ATF7IP: variants seen among roughly 807,000 people sequenced by gnomAD.
The protein encoded by ATF7IP is activating transcription factor 7-interacting protein 1.
In ATF7IP, 23 loss-of-function variants were observed where a neutral mutation model predicts 106.4. That is an observed-to-expected ratio of 0.22 (90% confidence interval 0.16 to 0.31). The LOEUF (loss-of-function observed/expected upper bound fraction) is 0.31, where lower values mean the gene tolerates loss of function less well. Among genes scored for constraint, ATF7IP ranks in the 10% least tolerant of loss-of-function variants. ATF7IP has a pLI of 1.00. For synonymous variants in ATF7IP, 542 were observed against 539.0 expected (o/e 1.01, Z -0.08); for missense variants, 1,334 against 1,524.3 (o/e 0.88, Z 2.08).
rs571012496 is a variant in ATF7IP at position 14,371,257 on chromosome 12, A to G, written c.-8+5430A>G. On this transcript the variant is annotated intron_variant, in intron 1 of 14. Coordinates refer to ENST00000261168, the MANE Select transcript of ATF7IP (RefSeq NM_018179.5). ...AAATTAGTGGAGGAATGAAAAGAAG[A>G]AATCACGGAAATATAGAACTCAAAT... Among the ~76,000 whole-genome samples, 7 of 152,224 alleles carry G rather than the reference A, an allele frequency of 4.6e-5. No individual in the cohort carries two copies. The East Asian group carries it at 1.3e-3, about 29-fold the overall frequency.
intron 1 of ATF7IP, among the ~76,000 whole-genome samples, chr12:14,416,627 A>G (rs1037297793): frequency 3.3e-5 from 5 of 152,170 alleles, no homozygotes; most frequent in African/African-American, 1.2e-4. Flanking sequence ...AGTTTATTTA[A>G]TCAAAGAAAC....
chr12:14,465,122 G>A lies in ATF7IP; in HGVS notation c.2798-1404G>A, dbSNP rs568354988. ...TCCCAGCTACTCAGGAGGCTGAGAC[G>A]TGAGAATCTCGAACCTGGGAGATGG... is the stretch of plus-strand genomic sequence containing the variant. On this transcript the variant is annotated intron_variant, in intron 9 of 14. Coordinates refer to ENST00000261168, the MANE Select transcript of ATF7IP (RefSeq NM_018179.5). 1.1e-4 allele frequency among the ~76,000 whole-genome samples: 16 copies of A among 152,190 alleles called. No homozygotes were observed. In the South Asian group the frequency reaches 2.3e-3, roughly 22 times the overall value.
At chr12:14,437,861 G>C (rs1001819933) in intron 4 of ATF7IP, among the ~76,000 whole-genome samples, 1 of 151,934 alleles carries the variant, frequency 6.6e-6, no homozygotes, top group Admixed American at 6.6e-5. Flanking sequence ...AGACCATCCC[G>C]GCTAAAACGG....
intron 2 of ATF7IP, among the ~76,000 whole-genome samples, chr12:14,427,582 T>A (rs1941923462): frequency 6.6e-6 from 1 of 152,058 alleles, no homozygotes; most frequent in Admixed American, 6.6e-5. Context: ...GTCAGGCTGG[T>A]CTCAAACTCC....
At chr12:14,429,853 A>T (rs1942035149) in intron 2 of ATF7IP, among the ~76,000 whole-genome samples, 1 of 152,174 alleles carries the variant, frequency 6.6e-6, no homozygotes, top group African/African-American at 2.4e-5. Context: ...TTCAGAGTTG[A>T]GGAAGACCAA....
intron 8 of ATF7IP, among the ~76,000 whole-genome samples, chr12:14,459,833 G>A (rs1565530661): frequency 6.6e-6 from 1 of 152,162 alleles, no homozygotes; most frequent in Non-Finnish European, 1.5e-5. Flanking sequence ...ACCAGCATTT[G>A]TATTTTCTCT....
intron 1 of ATF7IP, among the ~76,000 whole-genome samples, chr12:14,373,305 CATG>C (rs1163202762): frequency 6.6e-6 from 1 of 151,798 alleles, no homozygotes; most frequent in Non-Finnish European, 1.5e-5. Flanking sequence ...AAAGATGACA[CATG>C]TTTTTTTCTC....
intron 1 of ATF7IP, among the ~76,000 whole-genome samples, chr12:14,389,777 A>G (rs1393489393): frequency 6.6e-6 from 1 of 151,938 alleles, no homozygotes; most frequent in Non-Finnish European, 1.5e-5. Flanking sequence ...ACAGGCATGC[A>G]CCACCACGCC....
At chr12:14,449,216 C>T (rs1330965732) in intron 6 of ATF7IP, among the ~76,000 whole-genome samples, 2 of 152,044 alleles carry the variant, frequency 1.3e-5, no homozygotes, top group African/African-American at 2.4e-5. Context: ...AGAATCATTG[C>T]CAAATCCAAT....
chr12:14,445,513 T>G (rs1206860026), intron 5 of ATF7IP, among the ~76,000 whole-genome samples: 1 of 152,094 alleles, frequency 6.6e-6, no homozygotes, highest in African/African-American at 2.4e-5. Context: ...TTTTAGAAAG[T>G]TATTTGAGAT....
At chr12:14,402,117 TTTC>T (rs1350739758) in intron 1 of ATF7IP, among the ~76,000 whole-genome samples, 1 of 141,282 alleles carries the variant, frequency 7.1e-6, no homozygotes, top group South Asian at 2.3e-4. Flanking sequence ...TTTCTTTTCT[TTTC>T]TTCTTTCTTT....
intron 1 of ATF7IP, among the ~76,000 whole-genome samples, chr12:14,386,917 TAAC>T (rs764758595): frequency 7.2e-5 from 11 of 152,316 alleles, no homozygotes; most frequent in Admixed American, 2.0e-4. Context: ...GTACATGACT[TAAC>T]AGTTTAAAAT....
chr12:14,412,512 T>C (rs551466261), intron 1 of ATF7IP, among the ~76,000 whole-genome samples: 18 of 152,298 alleles, frequency 1.2e-4, no homozygotes, highest in Non-Finnish European at 1.9e-4. Flanking sequence ...AAATTAATTT[T>C]TGATATTACT....
At chr12:14,490,465 A>G (rs1009687225) in intron 13 of ATF7IP, among the ~76,000 whole-genome samples, 1 of 152,124 alleles carries the variant, frequency 6.6e-6, no homozygotes, top group African/African-American at 2.4e-5. Context: ...TCACACATCT[A>G]GCCATTTCTC....
At chr12:14,467,905 G>A (rs913697406) in intron 10 of ATF7IP, among the ~76,000 whole-genome samples, 5 of 152,238 alleles carry the variant, frequency 3.3e-5, no homozygotes, top group African/African-American at 1.2e-4. Flanking sequence ...GGACCACACA[G>A]ATACAGACTG....
chr12:14,369,553 G>A (rs1231949434), intron 1 of ATF7IP, among the ~76,000 whole-genome samples: 2 of 152,108 alleles, frequency 1.3e-5, no homozygotes, highest in African/African-American at 4.8e-5. Context: ...GGCCAGGCTC[G>A]TCTTGAACTC....
intron 10 of ATF7IP, among the ~76,000 whole-genome samples, chr12:14,473,652 C>T (rs898173485): frequency 6.6e-6 from 1 of 151,972 alleles, no homozygotes; most frequent in Admixed American, 6.6e-5. Flanking sequence ...GTTGGTATTT[C>T]CTTTCAAACT....
At position 14,460,822 on chromosome 12, in the gene ATF7IP, C is replaced by T; in HGVS notation, c.2486C>T (p.Thr829Ile). ...VQSPPTVSGL[T>I]KNPVSLPSLP... ...AGCCCACCTACAGTGAGTGGTCTTACCAAAAATCCAGTATCCTTGCCATCC... is the reference window on the plus strand; with the variant it reads ...AGCCCACCTACAGTGAGTGGTCTTATCAAAAATCCAGTATCCTTGCCATCC... Residue 829 changes from threonine to isoleucine, a missense_variant, in exon 9 of 15, where the codon ACC becomes ATC. By Grantham distance (89) the Thr-to-Ile change is moderately conservative. Transcript: ENST00000261168. 6.2e-7 allele frequency: 1 copy of T among 1,614,156 alleles called. No homozygotes were observed. Among genetic ancestry groups the T allele is most frequent in the Middle Eastern group, 1.6e-4 (1 of 6,062 alleles).
intron 13 of ATF7IP, among the ~76,000 whole-genome samples, chr12:14,492,119 G>A (rs568976118): frequency 2.6e-4 from 39 of 152,230 alleles, no homozygotes; most frequent in African/African-American, 4.1e-4. Flanking sequence ...TAAGTATGTC[G>A]ATGCCAATTA....
Sources: allele counts gnomAD v4.1 joint callset (sites outside exome capture counted in the v4.1 genomes callset), GRCh38; gene constraint gnomAD v4.1.1; transcripts MANE v1.5; gene names NCBI Gene and HGNC (gene_info 2026-07-23, HGNC 2026-07-21).